Variants in TMEM131 observed in about 807,000 individuals in gnomAD.
The protein encoded by TMEM131 is 2610524E03Rik.
TMEM131 carries 66 observed loss-of-function variants against 211.6 expected under a neutral mutation model. The observed-to-expected ratio is 0.31, with a 90% CI of 0.26 to 0.38. TMEM131 has a LOEUF of 0.38. Among genes scored for constraint, TMEM131 ranks in the 10% least tolerant of loss-of-function variants. The pLI, the probability that TMEM131 is intolerant of heterozygous loss-of-function variation, is 1.00. For missense variants in TMEM131, 2,036 were observed against 2,299.3 expected, an observed-to-expected ratio of 0.89 and a Z score of 2.34; for synonymous variants, 844 against 841.3, an observed-to-expected ratio of 1.00 and a Z score of -0.06.
intron 5 of TMEM131, among the ~76,000 whole-genome samples, chr2:97,856,492 A>C (rs1673852297): frequency 5.3e-5 from 8 of 152,230 alleles, no homozygotes; most frequent in Admixed American, 5.2e-4. Context: ...AATAATTAAA[A>C]AATAGTCTTT....
Position 97,955,385 on chromosome 2 carries a change from TA to T in TMEM131, c.188-27899del, listed in dbSNP as rs150711448. Among the ~76,000 whole-genome samples, 492 of 152,280 alleles carry T rather than the reference TA, an allele frequency of 3.2e-3. 7 individuals carry two copies. In the East Asian group the frequency reaches 0.041, roughly 13 times the overall value. On this transcript the variant is annotated intron_variant, in intron 1 of 40. Transcript: ENST00000186436. Reference sequence around the variant, plus strand: ...TAATGGTGAAAGAATGGTTTTCCCCTAAGACTGGGAAAAGGTGATCCACAAC... The same window carrying T: ...TAATGGTGAAAGAATGGTTTTCCCCTAGACTGGGAAAAGGTGATCCACAAC...
At chr2:97,831,563 A>G (rs1268254248) in intron 11 of TMEM131, among the ~76,000 whole-genome samples, 1 of 151,086 alleles carries the variant, frequency 6.6e-6, no homozygotes, top group Non-Finnish European at 1.5e-5. Flanking sequence ...ACAGATATAT[A>G]GGTTTTTAAC....
chr2:97,842,046 A>C (rs1038769755), intron 6 of TMEM131, 109 bp from the exon 7 acceptor site: 1 of 1,075,142 alleles, frequency 9.3e-7, no homozygotes, highest in African/African-American at 1.6e-5. Context: ...ATGTATAAAA[A>C]ATTAACAATC....
At chr2:97,891,311 C>T (rs769248712) in intron 3 of TMEM131, among the ~76,000 whole-genome samples, 12 of 152,076 alleles carry the variant, frequency 7.9e-5, no homozygotes, top group South Asian at 2.1e-4. Context: ...GTTGCCCAAG[C>T]TGGTCTCAAA....
intron 2 of TMEM131, among the ~76,000 whole-genome samples, chr2:97,910,165 C>T (rs946986987): frequency 2.6e-5 from 4 of 152,076 alleles, no homozygotes; most frequent in African/African-American, 9.7e-5. Context: ...CAAATCAAAA[C>T]CACAATGATA....
At chr2:97,836,774 A>G (rs1416191973) in intron 8 of TMEM131, among the ~76,000 whole-genome samples, 1 of 152,192 alleles carries the variant, frequency 6.6e-6, no homozygotes, top group Non-Finnish European at 1.5e-5. Context: ...CACATCATAA[A>G]TTATCAGACT....
At position 97,796,994 on chromosome 2, in the gene TMEM131, A is replaced by C; in HGVS notation, c.2871-8T>G. 3.1e-6 allele frequency: 5 copies of C among 1,603,918 alleles called. No homozygotes were observed. The highest frequency in any genetic ancestry group is 4.3e-6 in the Non-Finnish European group (5 of 1,175,780). ...ATCACAGTCAGGTTATTTCTATGCAAGAATGAGAATTACAGATTTTTCTCT... is the reference window on the plus strand; with the variant it reads ...ATCACAGTCAGGTTATTTCTATGCACGAATGAGAATTACAGATTTTTCTCT... On this transcript the variant is annotated splice_polypyrimidine_tract_variant and splice_region_variant and intron_variant, in intron 26 of 40. Coordinates refer to ENST00000186436, the MANE Select transcript of TMEM131 (RefSeq NM_015348.2).
intron 2 of TMEM131, among the ~76,000 whole-genome samples, chr2:97,912,725 T>C (rs1676337113): frequency 6.6e-6 from 1 of 152,140 alleles, no homozygotes; most frequent in Non-Finnish European, 1.5e-5. Flanking sequence ...GGTCTTTCGG[T>C]ACCTTCCCAC....
chr2:97,761,145 C>T (rs1678820073), intron 36 of TMEM131: 1 of 496,320 alleles, frequency 2.0e-6, no homozygotes, highest in East Asian at 3.5e-5. Context: ...ATGAAAGAGA[C>T]CAGGGCAGGG....
At chr2:97,982,371 T>C (rs1333406689) in intron 1 of TMEM131, among the ~76,000 whole-genome samples, 1 of 152,214 alleles carries the variant, frequency 6.6e-6, no homozygotes, top group Non-Finnish European at 1.5e-5. Flanking sequence ...GCACTGTCTG[T>C]TGTAACTGAG....
At chr2:97,993,342 G>A (rs1680342852) in intron 1 of TMEM131, among the ~76,000 whole-genome samples, 2 of 152,132 alleles carry the variant, frequency 1.3e-5, no homozygotes, top group Non-Finnish European at 2.9e-5. Context: ...AAACTCAACA[G>A]TACCTTTTAG....
chr2:97,805,221 A>G lies in TMEM131; in HGVS notation c.2285-16T>C. ...TTGGGTTCAGCTAAAACAAGGAAAC[A>G]TACTTAACCTGCATCTATACTCACT... On this transcript the variant is annotated splice_polypyrimidine_tract_variant and intron_variant, in intron 21 of 40. Transcript: ENST00000186436. The G allele has an allele frequency of 1.9e-6, 3 of 1,604,352 alleles. No individual in the cohort carries two copies. The highest frequency in any genetic ancestry group is 2.6e-6 in the Non-Finnish European group (3 of 1,174,262).
intron 1 of TMEM131, among the ~76,000 whole-genome samples, chr2:97,951,078 T>G (rs1288645257): frequency 6.6e-6 from 1 of 151,996 alleles, no homozygotes; most frequent in Non-Finnish European, 1.5e-5. Flanking sequence ...GAGAGCAGAA[T>G]AAGTCAACAG....
intron 4 of TMEM131, among the ~76,000 whole-genome samples, chr2:97,861,224 A>T (rs1327113024): frequency 6.6e-6 from 1 of 151,902 alleles, no homozygotes; most frequent in African/African-American, 2.4e-5. Flanking sequence ...TTCCTAAGAG[A>T]GTCCTAGTGC....
chr2:97,835,033 C>G, intron 8 of TMEM131, 108 bp from the exon 9 acceptor site: 1 of 1,137,856 alleles, frequency 8.8e-7, no homozygotes, highest in Non-Finnish European at 1.2e-6. Flanking sequence ...TTCTATATAC[C>G]TATTAATAAA....
At chr2:97,900,647 G>T (rs1001950509) in intron 3 of TMEM131, among the ~76,000 whole-genome samples, 1 of 151,878 alleles carries the variant, frequency 6.6e-6, no homozygotes, top group Non-Finnish European at 1.5e-5. Flanking sequence ...CCCTGTCTTG[G>T]CTATTGTGAA....
intron 5 of TMEM131, among the ~76,000 whole-genome samples, chr2:97,858,167 A>G (rs1673923504): frequency 1.3e-5 from 2 of 152,330 alleles, no homozygotes; most frequent in East Asian, 1.9e-4. Context: ...GTAGCAACCA[A>G]TATCTTACAT....
At position 97,913,807 on chromosome 2, in the gene TMEM131, A is replaced by C. The variant is rs981525241; in HGVS notation, c.250-5109T>G. 5.3e-5 allele frequency among the ~76,000 whole-genome samples: 8 copies of C among 152,204 alleles called. No individual in the cohort carries two copies. The East Asian group carries it at 1.5e-3, about 29-fold the overall frequency. On this transcript the variant is annotated intron_variant, in intron 2 of 40. Coordinates refer to ENST00000186436, the MANE Select transcript of TMEM131 (RefSeq NM_015348.2). ...TAAGCTTCTTGATGGTACAGGCAGC[A>C]CATGCACACAAACCCGTGGTACCAG...
At chr2:97,966,237 C>A (rs1015983112) in intron 1 of TMEM131, among the ~76,000 whole-genome samples, 1 of 151,728 alleles carries the variant, frequency 6.6e-6, no homozygotes, top group East Asian at 1.9e-4. Flanking sequence ...CATAACTTAG[C>A]AGTAGTTAAA....
Sources: gnomAD v4.1 joint callset for allele counts (sites outside exome capture counted in the v4.1 genomes callset) on GRCh38, gnomAD v4.1.1 for gene constraint, MANE v1.5 for transcripts, NCBI Gene and HGNC (gene_info 2026-07-23, HGNC 2026-07-21) for gene names.